DNAH14: variants seen among roughly 807,000 people sequenced by gnomAD.
The protein encoded by DNAH14 is axonemal beta dynein heavy chain 14.
DNAH14 carries 478 observed loss-of-function variants against 520.9 expected under a neutral mutation model. The observed-to-expected ratio is 0.92, with a 90% CI of 0.85 to 0.99. The LOEUF (loss-of-function observed/expected upper bound fraction) is 0.99, where lower values mean the gene tolerates loss of function less well. Ranked by LOEUF, DNAH14 falls within the 50% of genes least tolerant of loss-of-function variation. DNAH14 has a pLI of 0.00. For missense variants in DNAH14, 4,831 were observed against 5,234.5 expected (o/e 0.92, Z 2.38); for synonymous variants, 1,581 against 1,757.2 (o/e 0.90, Z 2.51).
At chr1:225,007,236 G>T (rs1329616406) in intron 9 of DNAH14, among the ~76,000 whole-genome samples, 177 bp from the exon 10 acceptor site, 1 of 152,100 alleles carries the variant, frequency 6.6e-6, no homozygotes, top group African/African-American at 2.4e-5. Context: ...TTTTAATCAA[G>T]ATTTAGTTAG....
In DNAH14 at chr1:224,955,084, C is replaced by G. The variant is rs2060427639; in HGVS notation, c.203C>G (p.Ser68Ter). Residue 68 changes from serine to a stop codon, truncating the protein, a stop_gained, in exon 3 of 86, where the codon TCA (serine) becomes TGA (stop). Coordinates refer to ENST00000682510, the MANE Select transcript of DNAH14 (RefSeq NM_001367479.1). LOFTEE classifies it high-confidence loss of function. ...AGAACATTCTCTGAATCTTTGAAGT[C>G]AGAGAAAACAGAAGGTATTTATCAA... ...TVRTFSESLK[S>*]EKTEDYLRES... 1 of 1,608,580 alleles carries G rather than the reference C, an allele frequency of 6.2e-7. No individual in the cohort carries two copies. Among genetic ancestry groups the G allele is most frequent in the Non-Finnish European group, 8.5e-7 (1 of 1,177,642 alleles).
intron 77 of DNAH14, among the ~76,000 whole-genome samples, chr1:225,373,613 A>G (rs534662809): frequency 2.2e-4 from 34 of 152,314 alleles, no homozygotes; most frequent in African/African-American, 7.9e-4. Context: ...ATGTGCAAAT[A>G]GAATGTCTGT....
intron 27 of DNAH14, among the ~76,000 whole-genome samples, chr1:225,127,844 T>A (rs1441806560): frequency 1.3e-5 from 2 of 152,226 alleles, no homozygotes; most frequent in Non-Finnish European, 2.9e-5. Flanking sequence ...CAGCGGCTGG[T>A]AACAGTTGTT....
chr1:225,369,606 AT>A (rs1191482846), intron 77 of DNAH14, among the ~76,000 whole-genome samples: 1 of 152,068 alleles, frequency 6.6e-6, no homozygotes, highest in Non-Finnish European at 1.5e-5. Flanking sequence ...GACAGCTCTA[AT>A]AAACAAATAT....
rs138188154 is a variant in DNAH14, at chr1:225,072,231, GTTCTT to G, written c.2425-6969_2425-6965del. ...TAATCCCATATTTCTCAGATATTTT[GTTCTT>G]TTCTTTAATTCTCTTTATTCTTGTC... is the stretch of plus-strand genomic sequence containing the variant. On this transcript the variant is annotated intron_variant, in intron 17 of 85. Transcript: ENST00000682510. Among the ~76,000 whole-genome samples the G allele has an allele frequency of 5.0e-3, 761 of 152,164 alleles. 6 individuals carry two copies. Among genetic ancestry groups the G allele is most frequent in the African/African-American group, 0.017 (718 of 41,534 alleles).
At chr1:225,326,976 C>T (rs1242144130) in intron 64 of DNAH14, among the ~76,000 whole-genome samples, 1 of 152,136 alleles carries the variant, frequency 6.6e-6, no homozygotes. Context: ...CTAGACCTAA[C>T]AGACATATTC....
At chr1:225,109,058 T>C (rs1289680259) in intron 23 of DNAH14, among the ~76,000 whole-genome samples, 1 of 152,202 alleles carries the variant, frequency 6.6e-6, no homozygotes, top group African/African-American at 2.4e-5. Context: ...TTTCTCATTC[T>C]GTTCCACTGG....
chr1:225,002,382 C>T (rs181221608), intron 8 of DNAH14, among the ~76,000 whole-genome samples: 25 of 152,120 alleles, frequency 1.6e-4, no homozygotes, highest in African/African-American at 5.8e-4. Context: ...TCCCAGTGGT[C>T]CCTATTCCAG....
At position 225,335,812 on chromosome 1, in the gene DNAH14, T is replaced by G. The variant is rs199591575; in HGVS notation, c.10081-1454T>G. Among the ~76,000 whole-genome samples the G allele has an allele frequency of 8.1e-4, 86 of 105,808 alleles. 4 individuals are homozygous for G. The highest frequency in any genetic ancestry group is 1.3e-3 in the Non-Finnish European group (68 of 53,072). 69.4% of individuals were successfully genotyped at this position (105,808 alleles called of 152,430 possible). A position where few individuals can be genotyped will look rare whatever the true frequency, so the allele number is the denominator to read the frequency against. The stretch of plus-strand genomic sequence containing the variant: ...AAGTACATCTATGTATATGTACATA[T>G]ATGTACATACACATATGTACATATA... On this transcript the variant is annotated intron_variant, in intron 66 of 85. Transcript: ENST00000682510.
chr1:225,333,349 A>G lies in DNAH14; in HGVS notation c.9923A>G (p.Asp3308Gly), dbSNP rs1205241944. The G allele has an allele frequency of 6.4e-7, 1 of 1,551,798 alleles. No individual in the cohort carries two copies. Among genetic ancestry groups the G allele is most frequent in the Non-Finnish European group, 8.7e-7 (1 of 1,146,932 alleles). The change falls in exon 66 of 86, where the codon GAC becomes GGC. Residue 3308 changes from aspartate to glycine, a missense_variant. Coordinates refer to ENST00000682510, the MANE Select transcript of DNAH14 (RefSeq NM_001367479.1). ...AACAAATTAGAAGGAATTTTGGGTGACATACTTCTTTCAGCAGCGTGCATT... is the reference window on the plus strand; with the variant it reads ...AACAAATTAGAAGGAATTTTGGGTGGCATACTTCTTTCAGCAGCGTGCATT... ...IDNKLEGILG[D>G]ILLSAACIVY...
intron 17 of DNAH14, among the ~76,000 whole-genome samples, chr1:225,074,166 AT>A (rs1312826625): frequency 6.7e-6 from 1 of 149,600 alleles, no homozygotes; most frequent in African/African-American, 2.5e-5. Flanking sequence ...CGCCCGGCTA[AT>A]TTTTTGTATT....
intron 33 of DNAH14, 63 bp downstream of exon 33, chr1:225,152,946 C>G (rs1016244369): frequency 5.3e-6 from 8 of 1,500,320 alleles, no homozygotes; most frequent in African/African-American, 2.8e-5. Flanking sequence ...TTAAGTAATA[C>G]TTTTCTGGAT....
At chr1:225,167,715 A>C (rs1344120102) in intron 35 of DNAH14, among the ~76,000 whole-genome samples, 1 of 152,214 alleles carries the variant, frequency 6.6e-6, no homozygotes, top group African/African-American at 2.4e-5. Context: ...TGAATTTGCT[A>C]TCAGGTGTCT....
At chr1:225,263,195 T>C (rs1358758806) in intron 46 of DNAH14, among the ~76,000 whole-genome samples, 1 of 150,422 alleles carries the variant, frequency 6.6e-6, no homozygotes, top group East Asian at 1.9e-4. Context: ...ATGCGAGATA[T>C]ATATATACAC....
At chr1:225,134,586 G>A (rs1310554085) in intron 27 of DNAH14, among the ~76,000 whole-genome samples, 1 of 152,110 alleles carries the variant, frequency 6.6e-6, no homozygotes, top group Non-Finnish European at 1.5e-5. Context: ...CTTGTTTGTG[G>A]TGAATAAGGT....
chr1:225,286,654 G>A (rs2093752583), intron 54 of DNAH14, among the ~76,000 whole-genome samples: 1 of 152,176 alleles, frequency 6.6e-6, no homozygotes, highest in Non-Finnish European at 1.5e-5. Context: ...AGCCACTTTG[G>A]AAGACAGTTT....
intron 68 of DNAH14, among the ~76,000 whole-genome samples, chr1:225,339,503 G>A (rs2095135611): frequency 6.6e-6 from 1 of 152,130 alleles, no homozygotes; most frequent in Non-Finnish European, 1.5e-5. Context: ...AGAAAATAGT[G>A]TTGTATAGAC....
At chr1:225,254,890 C>T (rs2092684514) in intron 44 of DNAH14, among the ~76,000 whole-genome samples, 1 of 152,136 alleles carries the variant, frequency 6.6e-6, no homozygotes, top group African/African-American at 2.4e-5. Context: ...TTTCAACTCA[C>T]GTCATGGTAG....
chr1:225,179,294 C>T (rs2083697914), intron 36 of DNAH14, among the ~76,000 whole-genome samples: 1 of 152,118 alleles, frequency 6.6e-6, no homozygotes, highest in African/African-American at 2.4e-5. Context: ...CTCCTCTTTT[C>T]CTTTCTTCTT....
Sources: allele counts gnomAD v4.1 joint callset (sites outside exome capture counted in the v4.1 genomes callset), GRCh38; gene constraint gnomAD v4.1.1; transcripts MANE v1.5; gene names NCBI Gene and HGNC (gene_info 2026-07-23, HGNC 2026-07-21).